The following PDE8A variants were observed in gnomAD, a reference collection of about 807,000 sequenced individuals.
PDE8A encodes the protein high affinity cAMP-specific and IBMX-insensitive 3',5'-cyclic phosphodiesterase 8A.
In PDE8A, 59 loss-of-function variants were observed where a neutral mutation model predicts 105.0. The ratio of observed to expected loss-of-function variants is 0.56; its 90% CI spans 0.46 to 0.70. The LOEUF is 0.70. Ranked by LOEUF, PDE8A falls within the 30% of genes least tolerant of loss-of-function variation. The pLI is 0.00. For missense variants in PDE8A, 1,014 were observed against 1,045.9 expected, an observed-to-expected ratio of 0.97 and a Z score of 0.42; for synonymous variants, 355 against 371.9, an observed-to-expected ratio of 0.95 and a Z score of 0.52.
intron 7 of PDE8A, chr15:85,090,764 C>T (rs1421752162): frequency 6.1e-6 from 3 of 491,294 alleles, no homozygotes; most frequent in African/African-American, 1.9e-5. Flanking sequence ...ATCCCTTCCT[C>T]TGCCCCTGTT....
intron 1 of PDE8A, among the ~76,000 whole-genome samples, chr15:85,004,008 C>G (rs2080106378): frequency 1.3e-5 from 2 of 152,224 alleles, no homozygotes; most frequent in African/African-American, 4.8e-5. Context: ...ACGGCCAGGT[C>G]TAGAAGTGGT....
At chr15:84,984,737 G>A (rs144822264) in intron 1 of PDE8A, among the ~76,000 whole-genome samples, 5 of 152,276 alleles carry the variant, frequency 3.3e-5, no homozygotes, top group Admixed American at 3.3e-4. Flanking sequence ...AAAGAGTTCC[G>A]TGGTCTGGTA....
chr15:85,069,086 G>T (rs1161388220), intron 3 of PDE8A, among the ~76,000 whole-genome samples: 1 of 152,100 alleles, frequency 6.6e-6, no homozygotes, highest in Non-Finnish European at 1.5e-5. Flanking sequence ...ATAGACTAGA[G>T]GAGCTGAAAT....
chr15:85,076,578 C>T (rs545435175), intron 4 of PDE8A, among the ~76,000 whole-genome samples, 155 bp from the exon 5 acceptor site: 1 of 152,050 alleles, frequency 6.6e-6, no homozygotes, highest in South Asian at 2.1e-4. Context: ...AAACAGAAAA[C>T]AGTTTTCAAC....
intron 1 of PDE8A, among the ~76,000 whole-genome samples, chr15:85,029,692 C>CA (rs2080580564): frequency 6.6e-6 from 1 of 152,200 alleles, no homozygotes; most frequent in Admixed American, 6.5e-5. Flanking sequence ...TGGTGCCTGA[C>CA]ACTGCTGGAC....
intron 3 of PDE8A, among the ~76,000 whole-genome samples, chr15:85,067,857 G>A (rs143937156): frequency 6.6e-6 from 1 of 152,106 alleles, no homozygotes; most frequent in Non-Finnish European, 1.5e-5. Context: ...GTCAACATGG[G>A]TTTGTTTCCT....
At chr15:85,100,632 G>C (rs1366269393) in intron 11 of PDE8A, among the ~76,000 whole-genome samples, 2 of 152,160 alleles carry the variant, frequency 1.3e-5, no homozygotes, top group African/African-American at 2.4e-5. Flanking sequence ...ACCATGCCTT[G>C]GACACCATCT....
chr15:85,121,547 A>T (rs1213604284), intron 18 of PDE8A, among the ~76,000 whole-genome samples: 1 of 152,124 alleles, frequency 6.6e-6, no homozygotes, highest in Non-Finnish European at 1.5e-5. Flanking sequence ...TAAGCTCTGT[A>T]AGGTCACAAG....
intron 1 of PDE8A, among the ~76,000 whole-genome samples, chr15:85,049,896 G>A (rs1187820654): frequency 1.3e-5 from 2 of 152,066 alleles, no homozygotes; most frequent in African/African-American, 4.8e-5. Flanking sequence ...TTAATTTTTT[G>A]AGGAATTGCC....
intron 1 of PDE8A, among the ~76,000 whole-genome samples, chr15:85,025,622 A>T (rs2080503795): frequency 6.6e-6 from 1 of 152,222 alleles, no homozygotes; most frequent in Non-Finnish European, 1.5e-5. Context: ...TTAACAGATT[A>T]ATCTGAGTTT....
At chr15:84,983,647 T>A (rs1423653224) in intron 1 of PDE8A, among the ~76,000 whole-genome samples, 1 of 152,264 alleles carries the variant, frequency 6.6e-6, no homozygotes, top group Non-Finnish European at 1.5e-5. Flanking sequence ...GTGCTCTTAA[T>A]ATCAGTGTTA....
intron 1 of PDE8A, among the ~76,000 whole-genome samples, chr15:85,023,449 C>T (rs1039030043): frequency 6.6e-6 from 1 of 152,070 alleles, no homozygotes; most frequent in African/African-American, 2.4e-5. Flanking sequence ...GGTAGGAGAA[C>T]AGAGAGTGGG....
chr15:84,990,212 A>T (rs994425683), intron 1 of PDE8A, among the ~76,000 whole-genome samples: 1 of 152,244 alleles, frequency 6.6e-6, no homozygotes, highest in East Asian at 1.9e-4. Context: ...AAATTAAATA[A>T]ATTCAAAGTT....
intron 6 of PDE8A, among the ~76,000 whole-genome samples, chr15:85,085,253 C>T (rs1002467303): frequency 6.6e-6 from 1 of 152,112 alleles, no homozygotes; most frequent in Non-Finnish European, 1.5e-5. Flanking sequence ...TTATGATGTC[C>T]ATTATACAGG....
intron 1 of PDE8A, among the ~76,000 whole-genome samples, chr15:85,024,808 C>T (rs957248738): frequency 6.6e-6 from 1 of 152,168 alleles, no homozygotes; most frequent in Non-Finnish European, 1.5e-5. Flanking sequence ...GTGTCTCATG[C>T]TGGTGTTTGT....
intron 12 of PDE8A, among the ~76,000 whole-genome samples, chr15:85,112,557 T>G (rs2082036025): frequency 6.6e-6 from 1 of 152,230 alleles, no homozygotes; most frequent in Non-Finnish European, 1.5e-5. Context: ...CCCCCAAATT[T>G]AAAACATTTG....
intron 1 of PDE8A, among the ~76,000 whole-genome samples, chr15:85,022,320 G>A (rs901304868): frequency 6.6e-6 from 1 of 151,912 alleles, no homozygotes. Context: ...ACCTGGATGG[G>A]TCGAGTTCTC....
At chr15:85,082,362 C>T (rs1227093943) in intron 5 of PDE8A, among the ~76,000 whole-genome samples, 1 of 152,074 alleles carries the variant, frequency 6.6e-6, no homozygotes, top group Admixed American at 6.6e-5. Flanking sequence ...GCAGTTTGTA[C>T]TTAAAATGCT....
rs1045525649 is a variant in PDE8A at position 84,993,022 on chromosome 15, C to T, written c.186+10674C>T. Among the ~76,000 whole-genome samples, 4 of 152,098 alleles carry T rather than the reference C, an allele frequency of 2.6e-5. No individual in the cohort carries two copies. The East Asian group carries it at 7.7e-4, about 29-fold the overall frequency. On this transcript the variant is annotated intron_variant, in intron 1 of 21. Transcript: ENST00000394553. Reference sequence around the variant, plus strand: ...GCATAAGGGAGAAGTCACAGGAAAGCGAATTTAGGGAGTTTTTAAAAAACC... The same window carrying T: ...GCATAAGGGAGAAGTCACAGGAAAGTGAATTTAGGGAGTTTTTAAAAAACC...
Sources: gnomAD v4.1 joint callset for allele counts (sites outside exome capture counted in the v4.1 genomes callset) on GRCh38, gnomAD v4.1.1 for gene constraint, MANE v1.5 for transcripts, NCBI Gene and HGNC (gene_info 2026-07-23, HGNC 2026-07-21) for gene names.